FAT3: variants seen among roughly 807,000 people sequenced by gnomAD.
FAT3 encodes protocadherin Fat 3.
Under a neutral mutation model 310.2 loss-of-function variants are expected in FAT3, and 95 were observed. That is an observed-to-expected ratio of 0.31 (90% CI 0.26 to 0.36). The LOEUF (loss-of-function observed/expected upper bound fraction) is 0.36, where lower values mean the gene tolerates loss of function less well. Ranked by LOEUF, FAT3 falls within the 10% of genes least tolerant of loss-of-function variation. The probability of loss-of-function intolerance (pLI) is 1.00; values close to 1 mark genes in which losing one functional copy is unlikely to be tolerated. For missense variants in FAT3, 5,408 were observed against 5,715.6 expected (o/e 0.95, Z 1.74); for synonymous variants, 2,314 against 2,192.9 (o/e 1.06, Z -1.54).
chr11:92,622,874 C>G (rs1022469150), intron 3 of FAT3, among the ~76,000 whole-genome samples: 4 of 152,124 alleles, frequency 2.6e-5, no homozygotes, highest in Admixed American at 2.0e-4. Context: ...GCCAAAGGAG[C>G]CTCATGTCTA....
chr11:92,608,251 C>A (rs1418000593), intron 3 of FAT3, among the ~76,000 whole-genome samples: 1 of 152,008 alleles, frequency 6.6e-6, no homozygotes, highest in Admixed American at 6.6e-5. Context: ...ATTTTATTTC[C>A]ATTTCTAGTG....
chr11:92,451,899 G>T (rs1951362939), intron 2 of FAT3, among the ~76,000 whole-genome samples: 1 of 152,156 alleles, frequency 6.6e-6, no homozygotes, highest in African/African-American at 2.4e-5. Flanking sequence ...CACATCAACT[G>T]GTCACATAGG....
intron 3 of FAT3, among the ~76,000 whole-genome samples, chr11:92,550,420 T>A (rs1054446068): frequency 6.6e-6 from 1 of 152,340 alleles, no homozygotes; most frequent in South Asian, 2.1e-4. Flanking sequence ...ATCTGCAGAT[T>A]TAAATATATA....
At chr11:92,763,326 T>A (rs1176228539) in intron 5 of FAT3, among the ~76,000 whole-genome samples, 2 of 152,076 alleles carry the variant, frequency 1.3e-5, no homozygotes, top group Non-Finnish European at 2.9e-5. Context: ...TCCAGAACAG[T>A]GGGCAGAGAA....
At chr11:92,555,284 A>G (rs769367836) in intron 3 of FAT3, among the ~76,000 whole-genome samples, 53 of 152,232 alleles carry the variant, frequency 3.5e-4, no homozygotes, top group Admixed American at 3.3e-4. Context: ...AACGATTTCA[A>G]TAGCTGAGTG....
chr11:92,797,195 A>T (rs1169383391), intron 9 of FAT3, among the ~76,000 whole-genome samples: 2 of 152,192 alleles, frequency 1.3e-5, no homozygotes, highest in African/African-American at 4.8e-5. Context: ...AAAATTCATC[A>T]CACTTACAAG....
chr11:92,246,980 A>G (rs1012770572), intron 1 of FAT3, among the ~76,000 whole-genome samples: 4 of 152,162 alleles, frequency 2.6e-5, no homozygotes, highest in Non-Finnish European at 5.9e-5. Context: ...CATTTGTCAC[A>G]GGTCAAAGGA....
At chr11:92,652,559 A>T (rs2135764130) in intron 3 of FAT3, among the ~76,000 whole-genome samples, 1 of 152,312 alleles carries the variant, frequency 6.6e-6, no homozygotes, top group African/African-American at 2.4e-5. Flanking sequence ...CTTGCCTAGG[A>T]TGAAGAACAT....
intron 7 of FAT3, among the ~76,000 whole-genome samples, chr11:92,782,863 A>G (rs1040720376): frequency 6.6e-6 from 1 of 152,158 alleles, no homozygotes; most frequent in Admixed American, 6.5e-5. Flanking sequence ...GCTTCCTTTA[A>G]AAGTAGGTTT....
chr11:92,317,187 A>T (rs886939301), intron 1 of FAT3, among the ~76,000 whole-genome samples: 5 of 152,162 alleles, frequency 3.3e-5, no homozygotes, highest in Non-Finnish European at 5.9e-5. Context: ...TGATTAAAAT[A>T]TTTCTCTTCT....
At chr11:92,697,240 G>T in intron 3 of FAT3, 144 bp from the exon 4 acceptor site, 1 of 565,278 alleles carries the variant, frequency 1.8e-6, no homozygotes, top group Non-Finnish European at 3.1e-6. Context: ...AATAATTCTT[G>T]AGACCATTCT....
intron 1 of FAT3, among the ~76,000 whole-genome samples, chr11:92,227,241 C>T (rs1432537898): frequency 2.6e-5 from 4 of 152,236 alleles, no homozygotes; most frequent in Non-Finnish European, 5.9e-5. Context: ...TTTTCTGGCC[C>T]CGACGCTAGT....
intron 1 of FAT3, among the ~76,000 whole-genome samples, chr11:92,274,378 T>G (rs1946207626): frequency 6.6e-6 from 1 of 152,122 alleles, no homozygotes; most frequent in African/African-American, 2.4e-5. Flanking sequence ...GATATTTGAT[T>G]TTGTATGAAT....
chr11:92,864,710 G>C (rs886402321), intron 21 of FAT3, among the ~76,000 whole-genome samples: 1 of 152,032 alleles, frequency 6.6e-6, no homozygotes, highest in Non-Finnish European at 1.5e-5. Flanking sequence ...CCAGCTACTC[G>C]GGAGGCTGAG....
chr11:92,681,559 AAGACTTTGCTTTCAGAAGAAAGAGG>A (rs1943480937), intron 3 of FAT3, among the ~76,000 whole-genome samples: 1 of 152,190 alleles, frequency 6.6e-6, no homozygotes, highest in South Asian at 2.1e-4. Flanking sequence ...TTGAGGTGTA[AAGACTTTGCTTTCAGAAGAAAGAGG>A]TTAGCAAGTG....
intron 3 of FAT3, among the ~76,000 whole-genome samples, chr11:92,564,652 T>C (rs1311068314): frequency 2.6e-5 from 4 of 152,058 alleles, no homozygotes; most frequent in Admixed American, 6.6e-5. Context: ...CTCTCCTCAG[T>C]AAATGTAAAA....
At chr11:92,278,725 T>C (rs1946345246) in intron 1 of FAT3, among the ~76,000 whole-genome samples, 1 of 152,222 alleles carries the variant, frequency 6.6e-6, no homozygotes, top group African/African-American at 2.4e-5. Flanking sequence ...TCTTTAGTTT[T>C]GAATCCTATT....
chr11:92,810,844 G>T (rs956913969), intron 13 of FAT3, among the ~76,000 whole-genome samples: 1 of 152,172 alleles, frequency 6.6e-6, no homozygotes, highest in Non-Finnish European at 1.5e-5. Context: ...CAGCTTCTCG[G>T]TTGTGCATTT....
chr11:92,658,922 T>TATC (rs71305391), intron 3 of FAT3, among the ~76,000 whole-genome samples: 57,462 of 149,694 alleles, frequency 0.38, 11,772 homozygotes, highest in Non-Finnish European at 0.46. Flanking sequence ...TCATCGTCAT[T>TATC]ATCATCATCA....
Sources: allele counts gnomAD v4.1 joint callset (sites outside exome capture counted in the v4.1 genomes callset), GRCh38; gene constraint gnomAD v4.1.1; transcripts MANE v1.5; gene names NCBI Gene and HGNC (gene_info 2026-07-23, HGNC 2026-07-21).